The following EYS variants were observed in gnomAD, a reference collection of about 807,000 sequenced individuals.
EYS encodes protein eyes shut homolog.
Under a neutral mutation model 282.1 loss-of-function variants are expected in EYS, and 250 were observed. That is an observed-to-expected ratio of 0.89 (90% CI 0.80 to 0.98). The LOEUF (loss-of-function observed/expected upper bound fraction) is 0.98, where lower values mean the gene tolerates loss of function less well. Ranked by LOEUF, EYS falls within the 50% of genes least tolerant of loss-of-function variation. The pLI, the probability that EYS is intolerant of heterozygous loss-of-function variation, is 0.00. For synonymous variants in EYS, 1,355 were observed against 1,282.9 expected (o/e 1.06, Z -1.20); for missense variants, 4,016 against 3,709.0 (o/e 1.08, Z -2.15).
chr6:64,228,808 C>T (rs2150337057), intron 31 of EYS, among the ~76,000 whole-genome samples: 1 of 151,970 alleles, frequency 6.6e-6, no homozygotes, highest in East Asian at 1.9e-4. Flanking sequence ...AAAAATCCTC[C>T]ATTGTTTTTT....
At chr6:65,259,711 T>A (rs949404041) in intron 12 of EYS, among the ~76,000 whole-genome samples, 1 of 152,086 alleles carries the variant, frequency 6.6e-6, no homozygotes, top group Non-Finnish European at 1.5e-5. Context: ...AATCTTCACA[T>A]GGAATTTAAG....
At chr6:63,866,165 C>G (rs1353453393) in intron 35 of EYS, among the ~76,000 whole-genome samples, 1 of 152,112 alleles carries the variant, frequency 6.6e-6, no homozygotes, top group Non-Finnish European at 1.5e-5. Flanking sequence ...TAATGCTGTT[C>G]CTTGTTTCCT....
At chr6:64,944,574 T>G (rs990854708) in intron 15 of EYS, among the ~76,000 whole-genome samples, 1 of 152,034 alleles carries the variant, frequency 6.6e-6, no homozygotes, top group Non-Finnish European at 1.5e-5. Flanking sequence ...TTTCTCCCCA[T>G]ATGATAGTCT....
At chr6:65,525,760 A>G (rs972153795) in intron 2 of EYS, among the ~76,000 whole-genome samples, 2 of 152,222 alleles carry the variant, frequency 1.3e-5, no homozygotes, top group African/African-American at 4.8e-5. Context: ...GTCTTGCCTC[A>G]TGGCAATGAG....
intron 23 of EYS, among the ~76,000 whole-genome samples, chr6:64,623,227 A>T (rs1472867288): frequency 1.3e-5 from 2 of 152,150 alleles, no homozygotes; most frequent in African/African-American, 4.8e-5. Context: ...TATAGGCATG[A>T]TATTGTACAG....
intron 36 of EYS, among the ~76,000 whole-genome samples, chr6:63,850,710 A>G (rs1772224367): frequency 6.6e-6 from 1 of 152,254 alleles, no homozygotes; most frequent in African/African-American, 2.4e-5. Flanking sequence ...GGTACCAGCC[A>G]CTGCAAGAAC....
chr6:65,033,763 GA>G (rs1482917669), intron 13 of EYS, among the ~76,000 whole-genome samples: 3 of 152,158 alleles, frequency 2.0e-5, no homozygotes, highest in African/African-American at 7.2e-5. Flanking sequence ...AGTGCTGAGG[GA>G]AAAAGTGGGG....
chr6:64,453,243 T>C (rs540679066), intron 26 of EYS, among the ~76,000 whole-genome samples: 1 of 151,836 alleles, frequency 6.6e-6, no homozygotes, highest in African/African-American at 2.4e-5. Context: ...GCAGCCAAAA[T>C]ACACATGAAA....
At chr6:64,746,367 G>T (rs536410582) in intron 22 of EYS, among the ~76,000 whole-genome samples, 1 of 152,084 alleles carries the variant, frequency 6.6e-6, no homozygotes, top group Non-Finnish European at 1.5e-5. Flanking sequence ...CCTTCACCAT[G>T]AGATAATGTA....
chr6:65,174,902 A>C lies in EYS; in HGVS notation c.2024-117175T>G, dbSNP rs143068964. ...CAGCTGTTAAAAAGTTCAAATATTC[A>C]CTCATGTAAAAATATGACATCTATT... is the stretch of plus-strand genomic sequence containing the variant. On this transcript the variant is annotated intron_variant, in intron 12 of 42. Coordinates refer to ENST00000503581, the MANE Select transcript of EYS (RefSeq NM_001142800.2). 1.3e-4 allele frequency among the ~76,000 whole-genome samples: 19 copies of C among 151,364 alleles called. No individual in the cohort carries two copies. The East Asian group carries it at 3.5e-3, about 28-fold the overall frequency.
chr6:64,635,327 C>T, intron 22 of EYS, among the ~76,000 whole-genome samples: 1 of 152,158 alleles, frequency 6.6e-6, no homozygotes, highest in East Asian at 1.9e-4. Flanking sequence ...CTTCTCCCGC[C>T]TGATTGCCCT....
At chr6:64,106,023 G>T (rs1772997321) in intron 31 of EYS, among the ~76,000 whole-genome samples, 1 of 151,944 alleles carries the variant, frequency 6.6e-6, no homozygotes, top group South Asian at 2.1e-4. Flanking sequence ...TCTTTTGTTG[G>T]TATATTTGGT....
At chr6:64,765,958 T>G (rs1170321153) in intron 22 of EYS, among the ~76,000 whole-genome samples, 1 of 152,154 alleles carries the variant, frequency 6.6e-6, no homozygotes, top group African/African-American at 2.4e-5. Flanking sequence ...CTTCAGCTTT[T>G]CTTCATTGAG....
At chr6:64,529,585 A>G (rs1764255050) in intron 26 of EYS, among the ~76,000 whole-genome samples, 1 of 142,022 alleles carries the variant, frequency 7.0e-6, no homozygotes, top group African/African-American at 2.5e-5. Context: ...TGTGTCACCA[A>G]CTATAAGAAT....
At chr6:65,669,294 A>G (rs543513891) in intron 1 of EYS, among the ~76,000 whole-genome samples, 1 of 152,070 alleles carries the variant, frequency 6.6e-6, no homozygotes, top group East Asian at 1.9e-4. Context: ...TCATGCTAAA[A>G]GGAATCTGAC....
chr6:65,095,431 G>C (rs1178718711), intron 12 of EYS, among the ~76,000 whole-genome samples: 1 of 149,708 alleles, frequency 6.7e-6, no homozygotes, highest in African/African-American at 2.4e-5. Flanking sequence ...GAGTTTAAAA[G>C]TTGTCACCAG....
At chr6:63,958,492 G>T (rs149264307) in intron 35 of EYS, among the ~76,000 whole-genome samples, 1 of 152,206 alleles carries the variant, frequency 6.6e-6, no homozygotes, top group Non-Finnish European at 1.5e-5. Context: ...AAAGTGCAAG[G>T]TGAAGCAGCA....
At chr6:65,195,641 T>C (rs1359647115) in intron 12 of EYS, among the ~76,000 whole-genome samples, 1 of 151,980 alleles carries the variant, frequency 6.6e-6, no homozygotes, top group Non-Finnish European at 1.5e-5. Context: ...GCTAAGTATA[T>C]TGCTATCTTC....
intron 33 of EYS, among the ~76,000 whole-genome samples, chr6:64,019,653 C>T (rs1769081203): frequency 6.6e-6 from 1 of 151,912 alleles, no homozygotes; most frequent in Non-Finnish European, 1.5e-5. Context: ...TTGTGATCTG[C>T]CCGCCTCGGC....
Sources: allele counts gnomAD v4.1 joint callset (sites outside exome capture counted in the v4.1 genomes callset), GRCh38; gene constraint gnomAD v4.1.1; transcripts MANE v1.5; gene names NCBI Gene and HGNC (gene_info 2026-07-23, HGNC 2026-07-21).